IFT43: variants seen among roughly 807,000 people sequenced by gnomAD.
IFT43 encodes the protein intraflagellar transport protein 43 homolog.
IFT43 carries 33 observed loss-of-function variants against 32.3 expected under a neutral mutation model. That is an observed-to-expected ratio of 1.02 (90% confidence interval 0.77 to 1.37). IFT43 has a LOEUF of 1.37. Ranked by LOEUF, IFT43 falls within the 40% of genes most tolerant of loss-of-function variation. The pLI, the probability that IFT43 is intolerant of heterozygous loss-of-function variation, is 0.00. For missense variants in IFT43, 274 were observed against 265.9 expected, an observed-to-expected ratio of 1.03 and a Z score of -0.21; for synonymous variants, 93 against 98.2, an observed-to-expected ratio of 0.95 and a Z score of 0.31.
Position 75,986,410 on chromosome 14 carries a change from T to G in IFT43, c.54+570T>G, listed in dbSNP as rs562608213. 11 of 466,388 alleles carry G rather than the reference T, an allele frequency of 2.4e-5. No homozygotes were observed. In the Admixed American group the frequency reaches 5.3e-4, roughly 22 times the overall value. 28.9% of individuals were successfully genotyped at this position (466,388 alleles called of 1,614,324 possible). A position where few individuals can be genotyped will look rare whatever the true frequency, so the allele number is the denominator to read the frequency against. On this transcript the variant is annotated intron_variant, in intron 1 of 8. Coordinates refer to ENST00000314067, the MANE Select transcript of IFT43 (RefSeq NM_001102564.3). Reference sequence around the variant, plus strand: ...AGGGAGTGATTAGGTGCTCAGGCACTGAGGCCAGATGGAGCATAGAGCTGT... The same window carrying G: ...AGGGAGTGATTAGGTGCTCAGGCACGGAGGCCAGATGGAGCATAGAGCTGT...
intron 5 of IFT43, among the ~76,000 whole-genome samples, chr14:76,079,558 A>G (rs1290117032): frequency 6.6e-6 from 1 of 152,198 alleles, no homozygotes; most frequent in Non-Finnish European, 1.5e-5. Context: ...CTGCTTCTTA[A>G]CCATGGAGCA....
chr14:76,054,101 A>G (rs192917735), intron 3 of IFT43, among the ~76,000 whole-genome samples: 2 of 152,334 alleles, frequency 1.3e-5, no homozygotes, highest in Admixed American at 1.3e-4. Flanking sequence ...TGAATGTCTC[A>G]AGGCTTAGGG....
At chr14:76,077,437 G>T (rs761942119) in intron 5 of IFT43, among the ~76,000 whole-genome samples, 5 of 152,180 alleles carry the variant, frequency 3.3e-5, no homozygotes, top group Non-Finnish European at 5.9e-5. Context: ...GACCTGAGGA[G>T]CATCTGTTGA....
chr14:76,051,963 C>A (rs909859029), intron 3 of IFT43, among the ~76,000 whole-genome samples: 13 of 152,194 alleles, frequency 8.5e-5, no homozygotes, highest in Non-Finnish European at 1.8e-4. Context: ...TCACATTCCT[C>A]CCCAGGTCGG....
At chr14:76,017,853 A>C (rs2036217753) in intron 2 of IFT43, among the ~76,000 whole-genome samples, 1 of 152,040 alleles carries the variant, frequency 6.6e-6, no homozygotes, top group African/African-American at 2.4e-5. Flanking sequence ...TGTTCATAAT[A>C]GTCTCTTATG....
rs35001298 is a variant in IFT43, at chr14:76,000,262, CTT to C, written c.147+11304_147+11305del. 1.7e-3 allele frequency among the ~76,000 whole-genome samples: 200 copies of C among 115,512 alleles called. 2 individuals are homozygous for C. In the South Asian group the frequency reaches 0.033, roughly 19 times the overall value. 75.8% of individuals were successfully genotyped at this position (115,512 alleles called of 152,430 possible). ...TATACATAACATACATAACTGGCTT[CTT>C]TTTTTTTTTTTTTTTTTTGAGATAT... On this transcript the variant is annotated intron_variant, in intron 2 of 8. Coordinates refer to ENST00000314067, the MANE Select transcript of IFT43 (RefSeq NM_001102564.3).
At chr14:76,068,834 T>C (rs2037270898) in intron 5 of IFT43, among the ~76,000 whole-genome samples, 1 of 152,224 alleles carries the variant, frequency 6.6e-6, no homozygotes, top group East Asian at 1.9e-4. Context: ...TGAATATTGC[T>C]GAGTGTGATT....
At chr14:76,026,372 G>A (rs142175369) in intron 3 of IFT43, among the ~76,000 whole-genome samples, 2,134 of 151,984 alleles carry the variant, frequency 0.014, 57 homozygotes, top group African/African-American at 0.045. Flanking sequence ...CAGCCTGACC[G>A]ACATGGAGAA....
intron 5 of IFT43, among the ~76,000 whole-genome samples, chr14:76,061,713 A>G (rs945510068): frequency 6.6e-6 from 1 of 151,958 alleles, no homozygotes; most frequent in Non-Finnish European, 1.5e-5. Flanking sequence ...GTTTTCTTTC[A>G]TCCTTGATAG....
chr14:76,014,624 C>A (rs960162044), intron 2 of IFT43, among the ~76,000 whole-genome samples: 1 of 152,120 alleles, frequency 6.6e-6, no homozygotes, highest in Non-Finnish European at 1.5e-5. Context: ...CATTTCCAAT[C>A]CAGGACAAGC....
chr14:76,078,988 A>G (rs1301111563), intron 5 of IFT43, among the ~76,000 whole-genome samples: 2 of 152,206 alleles, frequency 1.3e-5, no homozygotes, highest in Non-Finnish European at 1.5e-5. Flanking sequence ...AGGACTTAGC[A>G]TATCTCTAGT....
chr14:75,991,666 G>T (rs1053982806), intron 2 of IFT43, among the ~76,000 whole-genome samples: 14 of 152,084 alleles, frequency 9.2e-5, no homozygotes, highest in East Asian at 1.9e-4. Context: ...AGAGTGTGAT[G>T]AATCCTTTCA....
intron 3 of IFT43, among the ~76,000 whole-genome samples, chr14:76,028,363 A>G (rs556219547): frequency 6.6e-6 from 1 of 152,246 alleles, no homozygotes; most frequent in South Asian, 2.1e-4. Flanking sequence ...CTACCATTCT[A>G]TATTAATTGC....
In IFT43 at chr14:76,062,776, G is replaced by A. The variant is rs180858524; in HGVS notation, c.295+3403G>A. Among the ~76,000 whole-genome samples the A allele has an allele frequency of 1.3e-4, 19 of 151,790 alleles. No homozygotes were observed. The East Asian group carries it at 3.1e-3, about 25-fold the overall frequency. ...TATAAAAATACAAAAAATTAGCTGG[G>A]CCTGGTGGCGGGCACCTGTAATCCC... On this transcript the variant is annotated intron_variant, in intron 5 of 8. Coordinates refer to ENST00000314067, the MANE Select transcript of IFT43 (RefSeq NM_001102564.3).
At chr14:76,023,966 T>C (rs1177758721) in intron 3 of IFT43, among the ~76,000 whole-genome samples, 1 of 152,192 alleles carries the variant, frequency 6.6e-6, no homozygotes, top group Non-Finnish European at 1.5e-5. Context: ...CTGTTTCTGG[T>C]TGGGCCAGTA....
At chr14:76,008,648 C>T (rs2036023412) in intron 2 of IFT43, among the ~76,000 whole-genome samples, 3 of 152,152 alleles carry the variant, frequency 2.0e-5, no homozygotes. Context: ...TAGCTTTTCC[C>T]CTTTGCTTCC....
chr14:76,008,781 G>C (rs1477515885), intron 2 of IFT43, among the ~76,000 whole-genome samples: 1 of 152,210 alleles, frequency 6.6e-6, no homozygotes, highest in South Asian at 2.1e-4. Flanking sequence ...CAAGTGCAAA[G>C]ATTTATACTG....
chr14:76,078,964 G>A (rs915115031), intron 5 of IFT43, among the ~76,000 whole-genome samples: 6 of 152,220 alleles, frequency 3.9e-5, no homozygotes, highest in Non-Finnish European at 8.8e-5. Flanking sequence ...GAGTCAGGGT[G>A]TATGGTAAGG....
At chr14:76,052,803 A>T (rs138508639) in intron 3 of IFT43, among the ~76,000 whole-genome samples, 1 of 152,260 alleles carries the variant, frequency 6.6e-6, no homozygotes, top group African/African-American at 2.4e-5. Flanking sequence ...AATAAAACAT[A>T]TAATAAATCA....
Sources: allele counts gnomAD v4.1 joint callset (sites outside exome capture counted in the v4.1 genomes callset), GRCh38; gene constraint gnomAD v4.1.1; transcripts MANE v1.5; gene names NCBI Gene and HGNC (gene_info 2026-07-23, HGNC 2026-07-21).